MBOAT2: variants seen among roughly 807,000 people sequenced by gnomAD.
MBOAT2 encodes the protein membrane-bound glycerophospholipid O-acyltransferase 2.
A neutral mutation model predicts 63.4 loss-of-function variants in MBOAT2; 28 were observed. That is an observed-to-expected ratio of 0.44 (90% CI 0.33 to 0.61). The LOEUF (loss-of-function observed/expected upper bound fraction) is 0.61, where lower values mean the gene tolerates loss of function less well. Ranked by LOEUF, MBOAT2 falls within the 20% of genes least tolerant of loss-of-function variation. The pLI is 0.03. For synonymous variants in MBOAT2, 211 were observed against 215.6 expected, an observed-to-expected ratio of 0.98 and a Z score of 0.19; for missense variants, 470 against 605.8, an observed-to-expected ratio of 0.78 and a Z score of 2.35.
chr2:8,985,010 C>T (rs1671458587), intron 1 of MBOAT2, among the ~76,000 whole-genome samples: 1 of 152,046 alleles, frequency 6.6e-6, no homozygotes, highest in Non-Finnish European at 1.5e-5. Context: ...TGTTCAGAGG[C>T]CTCCCACTCC....
chr2:8,968,952 T>C (rs922369468), intron 1 of MBOAT2, among the ~76,000 whole-genome samples: 3 of 152,210 alleles, frequency 2.0e-5, no homozygotes, highest in Non-Finnish European at 2.9e-5. Flanking sequence ...GGAAAAACAC[T>C]CTGCAGGATA....
At chr2:8,965,339 C>T (rs865803164) in intron 1 of MBOAT2, among the ~76,000 whole-genome samples, 48 of 152,084 alleles carry the variant, frequency 3.2e-4, no homozygotes, top group South Asian at 6.2e-4. Flanking sequence ...TTACATTTCA[C>T]GAAACCTAAG....
chr2:8,855,591 ATCT>A lies in MBOAT2; in HGVS notation c.*3085_*3087del, dbSNP rs1478153208. 1 of 152,226 alleles carries A rather than the reference ATCT, an allele frequency of 6.6e-6. No individual in the cohort carries two copies. Among genetic ancestry groups the A allele is most frequent in the Non-Finnish European group, 1.5e-5 (1 of 68,040 alleles). 9.4% of individuals were successfully genotyped at this position (152,226 alleles called of 1,614,324 possible). A position where few individuals can be genotyped will look rare whatever the true frequency, so the allele number is the denominator to read the frequency against. On this transcript the variant is annotated 3_prime_UTR_variant, in exon 13 of 13. Coordinates refer to ENST00000305997, the MANE Select transcript of MBOAT2 (RefSeq NM_138799.4). The stretch of plus-strand genomic sequence containing the variant: ...ACCAGACATTTTTGAAGCCAAATAA[ATCT>A]TCTCTATCCTGCCGGATATTTTAGA...
Position 8,858,618 on chromosome 2 carries a change from G to T in MBOAT2, c.*61C>A. 1 of 1,265,018 alleles carries T rather than the reference G, an allele frequency of 7.9e-7. No individual in the cohort carries two copies. The allele number at this position is 1,265,018 out of a possible 1,614,324, so 78.4% of individuals were successfully genotyped here. A position where few individuals can be genotyped will look rare whatever the true frequency, so the allele number is the denominator to read the frequency against. On this transcript the variant is annotated 3_prime_UTR_variant, in exon 13 of 13. Coordinates refer to ENST00000305997, the MANE Select transcript of MBOAT2 (RefSeq NM_138799.4). ...CCAACAAACTCAAACCCCTTGAAAA[G>T]GTGCTAAGATTGGTTTCTGTTAACA...
chr2:8,976,198 T>C (rs990241721), intron 1 of MBOAT2, among the ~76,000 whole-genome samples: 3 of 151,960 alleles, frequency 2.0e-5, no homozygotes, highest in Admixed American at 6.6e-5. Context: ...CCCAAATGCA[T>C]GGAAACAGAA....
At chr2:8,923,013 T>C (rs188143904) in intron 3 of MBOAT2, among the ~76,000 whole-genome samples, 4 of 152,222 alleles carry the variant, frequency 2.6e-5, no homozygotes, top group African/African-American at 9.6e-5. Flanking sequence ...CATAACTGAC[T>C]CAAGCTTGCT....
At chr2:8,936,073 C>T (rs1327677578) in intron 3 of MBOAT2, among the ~76,000 whole-genome samples, 1 of 152,188 alleles carries the variant, frequency 6.6e-6, no homozygotes, top group Non-Finnish European at 1.5e-5. Context: ...CTTTCCACCA[C>T]AGCTGTTCCC....
intron 11 of MBOAT2, chr2:8,861,290 G>A (rs1041263569): frequency 6.6e-6 from 1 of 152,316 alleles, no homozygotes; most frequent in Non-Finnish European, 1.5e-5. Flanking sequence ...AAATCTAATG[G>A]AAGCAGAGAA....
chr2:8,924,476 A>T, intron 3 of MBOAT2, among the ~76,000 whole-genome samples: 1 of 152,146 alleles, frequency 6.6e-6, no homozygotes, highest in African/African-American at 2.4e-5. Flanking sequence ...TCTTAGTTGG[A>T]ACAAAGGGAT....
chr2:8,866,036 C>A (rs567704065), intron 9 of MBOAT2, among the ~76,000 whole-genome samples: 1 of 151,820 alleles, frequency 6.6e-6, no homozygotes, highest in African/African-American at 2.4e-5. Context: ...GACTTTGTCT[C>A]AAATAAATAA....
intron 1 of MBOAT2, among the ~76,000 whole-genome samples, chr2:8,988,459 T>C (rs1671709470): frequency 1.3e-5 from 2 of 152,216 alleles, no homozygotes; most frequent in Non-Finnish European, 2.9e-5. Context: ...AGTTTAAATA[T>C]GTTTTATTAC....
chr2:8,958,560 G>A lies in MBOAT2; in HGVS notation c.158C>T (p.Ser53Phe). The stretch of plus-strand genomic sequence containing the variant: ...GGTAGCAACTACATGTCTTATAAAA[G>A]AGCTAGTTTTGCTTGAATGTAGATA... ...RTYLHSSKTS[S>F]FIRHVVATLL... The change falls in exon 2 of 13, where the codon TCT becomes TTT. Residue 53 changes from serine to phenylalanine, a missense_variant. Coordinates refer to ENST00000305997, the MANE Select transcript of MBOAT2 (RefSeq NM_138799.4). 1 of 1,611,702 alleles carries A rather than the reference G, an allele frequency of 6.2e-7. No homozygotes were observed. Among genetic ancestry groups the A allele is most frequent in the Non-Finnish European group, 8.5e-7 (1 of 1,179,420 alleles).
rs1241507451 is a variant in MBOAT2, at chr2:8,862,201, A to T, written c.1185+389T>A. The T allele has an allele frequency of 1.1e-6, 1 of 916,726 alleles. No individual in the cohort carries two copies. The highest frequency in any genetic ancestry group is 1.5e-6 in the Non-Finnish European group (1 of 685,938). 56.8% of individuals were successfully genotyped at this position (916,726 alleles called of 1,614,324 possible). On this transcript the variant is annotated intron_variant, in intron 11 of 12. Transcript: ENST00000305997. The surrounding 1 kb of genome is among the most constrained non-coding windows in gnomAD (Gnocchi z 4.3). Reference sequence around the variant, plus strand: ...CTCATCCACTGTCTTGGCCTCGCACAGCCTAGTCTTCATCTGAGAGAGGAC... The same window carrying T: ...CTCATCCACTGTCTTGGCCTCGCACTGCCTAGTCTTCATCTGAGAGAGGAC...
At chr2:8,889,287 G>C (rs1663806673) in intron 4 of MBOAT2, among the ~76,000 whole-genome samples, 1 of 152,238 alleles carries the variant, frequency 6.6e-6, no homozygotes, top group Non-Finnish European at 1.5e-5. Flanking sequence ...GCAAACGGCA[G>C]CAAGGGTTTG....
intron 3 of MBOAT2, among the ~76,000 whole-genome samples, chr2:8,933,444 G>A (rs1045162598): frequency 3.3e-5 from 5 of 152,228 alleles, no homozygotes; most frequent in Admixed American, 3.3e-4. Flanking sequence ...GAACTCTTGG[G>A]TTCAGCAATC....
In MBOAT2 at chr2:8,975,089, C is replaced by A. The variant is rs369537297; in HGVS notation, c.76-16447G>T. Among the ~76,000 whole-genome samples the A allele has an allele frequency of 2.6e-5, 4 of 152,218 alleles. No homozygotes were observed. The East Asian group carries it at 7.7e-4, about 29-fold the overall frequency. On this transcript the variant is annotated intron_variant, in intron 1 of 12. Coordinates refer to ENST00000305997, the MANE Select transcript of MBOAT2 (RefSeq NM_138799.4). ...GCTTTCTATAAACCAACACAAAAAT[C>A]TACAGATTACCTAGAAAGAATAACA...
At chr2:8,995,781 C>T (rs567991993) in intron 1 of MBOAT2, among the ~76,000 whole-genome samples, 8 of 152,074 alleles carry the variant, frequency 5.3e-5, no homozygotes, top group South Asian at 4.2e-4. Context: ...TTAGTAGAGA[C>T]GGGGTTTCAC....
intron 3 of MBOAT2, among the ~76,000 whole-genome samples, chr2:8,942,857 T>C (rs1324673369): frequency 6.6e-6 from 1 of 152,160 alleles, no homozygotes; most frequent in Non-Finnish European, 1.5e-5. Flanking sequence ...AAGAGACATG[T>C]GAAAATATCT....
intron 3 of MBOAT2, among the ~76,000 whole-genome samples, chr2:8,912,349 A>AAGAAAGAGAGAG (rs1320407353): frequency 1.3e-5 from 1 of 76,444 alleles, no homozygotes; most frequent in African/African-American, 4.7e-5. Context: ...GAAAGAAAGA[A>AAGAAAGAGAGAG]AGAGAAAGAA....
Sources: gnomAD v4.1 joint callset for allele counts (sites outside exome capture counted in the v4.1 genomes callset) on GRCh38, gnomAD v4.1.1 for gene constraint, Gnocchi (gnomAD v3.1) non-coding constraint, MANE v1.5 for transcripts, NCBI Gene and HGNC (gene_info 2026-07-23, HGNC 2026-07-21) for gene names.